ANK3: variants seen among roughly 807,000 people sequenced by gnomAD.
The protein encoded by ANK3 is ankyrin-3.
ANK3 carries 57 observed loss-of-function variants against 370.9 expected under a neutral mutation model. That is an observed-to-expected ratio of 0.15 (90% CI 0.12 to 0.19). The LOEUF is 0.19. ANK3 is among the 10% of genes least tolerant of loss of function. ANK3 has a pLI of 1.00. For synonymous variants in ANK3, 1,929 were observed against 1,946.3 expected, an observed-to-expected ratio of 0.99 and a Z score of 0.23; for missense variants, 4,439 against 5,302.1, an observed-to-expected ratio of 0.84 and a Z score of 5.06.
At chr10:60,529,395 G>A (rs565048538) in intron 2 of ANK3, among the ~76,000 whole-genome samples, 2 of 152,296 alleles carry the variant, frequency 1.3e-5, no homozygotes, top group African/African-American at 4.8e-5. Flanking sequence ...CATGGTGGAA[G>A]AGGCTGTCAG....
chr10:60,541,886 A>G, intron 2 of ANK3, among the ~76,000 whole-genome samples: 1 of 151,872 alleles, frequency 6.6e-6, no homozygotes, highest in East Asian at 1.9e-4. Context: ...TTATTGCTTT[A>G]TTTGTGATGA....
Position 60,059,382 on chromosome 10 carries a change from G to C in ANK3, c.12644C>G (p.Ala4215Gly). ...SSGNLESCAQ[A>G]RRVTGGLLDR... is the part of the protein sequence containing the mutation. ...TAGTAACCCACCAGTTACTCTTCGA[G>C]CTTGAGCGCAGGACTCTAGGTTTCC... Residue 4215 changes from alanine to glycine, a missense_variant, in exon 41 of 44, where the codon GCT becomes GGT. Physicochemically the swap from Ala to Gly is moderately conservative, Grantham distance 60. Transcript: ENST00000280772. The C allele has an allele frequency of 6.2e-7, 1 of 1,614,034 alleles. No individual in the cohort carries two copies. The highest frequency in any genetic ancestry group is 1.3e-5 in the African/African-American group (1 of 75,002).
intron 1 of ANK3, among the ~76,000 whole-genome samples, chr10:60,385,189 A>G (rs2062082773): frequency 6.6e-6 from 1 of 152,120 alleles, no homozygotes; most frequent in African/African-American, 2.4e-5. Context: ...TTTTCGTGCC[A>G]CACACTCAGG....
At chr10:60,414,007 A>G (rs1454802538) in intron 2 of ANK3, among the ~76,000 whole-genome samples, 3 of 152,300 alleles carry the variant, frequency 2.0e-5, no homozygotes, top group Middle Eastern at 3.4e-3. Flanking sequence ...AAAAACAAAC[A>G]GAAAAAACTA....
chr10:60,367,596 C>CT (rs963659553), intron 1 of ANK3, among the ~76,000 whole-genome samples: 1 of 152,190 alleles, frequency 6.6e-6, no homozygotes, highest in African/African-American at 2.4e-5. Flanking sequence ...TGCCTTGCCT[C>CT]TGGGGTGATC....
In ANK3 at chr10:60,072,702, G is replaced by A. The variant is rs1251318793; in HGVS notation, c.8179C>T (p.His2727Tyr). Residue 2727 changes from histidine (H) to tyrosine (Y), a missense_variant, in exon 37 of 44, where the codon CAC becomes TAC. Physicochemically the swap from His to Tyr is moderately conservative, Grantham distance 83. This residue lies in a region of ANK3 where 1,601 missense variants were observed against 1,731.7 expected (regional missense o/e 0.92). Transcript: ENST00000280772. ...TGAGACATGTCCTTACTTTTTGCGT[G>A]TGTGCCTTGTTCAAATTTTAATCTA... Reference protein sequence around the residue: ...SIRLKFEQGTHAKSKDMSQED... With the variant: ...SIRLKFEQGTYAKSKDMSQED... The A allele has an allele frequency of 1.2e-6, 2 of 1,613,664 alleles. No homozygotes were observed. Among genetic ancestry groups the A allele is most frequent in the Non-Finnish European group, 8.5e-7 (1 of 1,179,904 alleles).
intron 25 of ANK3, among the ~76,000 whole-genome samples, chr10:60,128,008 C>T (rs2093857846): frequency 6.6e-6 from 1 of 151,936 alleles, no homozygotes; most frequent in Non-Finnish European, 1.5e-5. Context: ...GTTCTTCATA[C>T]TTTTTATAAT....
At chr10:60,131,387 A>G (rs1265909650) in intron 25 of ANK3, among the ~76,000 whole-genome samples, 1 of 152,206 alleles carries the variant, frequency 6.6e-6, no homozygotes, top group Non-Finnish European at 1.5e-5. Context: ...TGCTCATTAA[A>G]GACAGCAACT....
At chr10:60,347,487 T>C (rs1265140602) in intron 1 of ANK3, among the ~76,000 whole-genome samples, 2 of 152,044 alleles carry the variant, frequency 1.3e-5, no homozygotes, top group African/African-American at 2.4e-5. Flanking sequence ...GTATTTGCTG[T>C]GTGATGTTGG....
intron 2 of ANK3, among the ~76,000 whole-genome samples, chr10:60,471,343 A>T (rs897000487): frequency 2.6e-5 from 4 of 152,190 alleles, no homozygotes; most frequent in Non-Finnish European, 5.9e-5. Flanking sequence ...CCTTTTTGTT[A>T]CTGTTATTAC....
At chr10:60,322,685 G>A (rs2048926954) in intron 1 of ANK3, among the ~76,000 whole-genome samples, 1 of 152,012 alleles carries the variant, frequency 6.6e-6, no homozygotes, top group Non-Finnish European at 1.5e-5. Flanking sequence ...TAGGCATTGA[G>A]GGTACAGTGA....
chr10:60,173,169 C>A lies in ANK3; in HGVS notation c.2202G>T (p.Leu734=). 2 of 1,613,324 alleles carry A rather than the reference C, an allele frequency of 1.2e-6. No homozygotes were observed. Among genetic ancestry groups the A allele is most frequent in the Non-Finnish European group, 1.7e-6 (2 of 1,179,366 alleles). The change falls in exon 19 of 44, where the codon CTG becomes CTT. Residue 734 remains leucine (L), a synonymous_variant. Transcript: ENST00000280772. ...TATTTCCATAGTGGCAGCCCACATG[C>A]AGTGGTGTGTATCCCATCTGTAATT... is the stretch of plus-strand genomic sequence containing the variant. The part of the protein sequence containing the change: ...DAQTKMGYTP[L]HVGCHYGNIK...
intron 2 of ANK3, among the ~76,000 whole-genome samples, chr10:60,422,632 T>A (rs980031229): frequency 1.3e-5 from 2 of 152,246 alleles, no homozygotes; most frequent in South Asian, 4.1e-4. Flanking sequence ...ATGCCTTTCA[T>A]TAATTTGGTT....
chr10:60,106,460 A>C (rs1442824887), intron 27 of ANK3, among the ~76,000 whole-genome samples: 1 of 152,170 alleles, frequency 6.6e-6, no homozygotes, highest in Non-Finnish European at 1.5e-5. Context: ...TCTTTAAAAA[A>C]AAATTCTATA....
intron 7 of ANK3, among the ~76,000 whole-genome samples, chr10:60,259,597 AAATGAACACTTTAG>A (rs2097777040): frequency 6.6e-6 from 1 of 152,232 alleles, no homozygotes; most frequent in Admixed American, 6.5e-5. Context: ...GTTTTAATGC[AAATGAACACTTTAG>A]AATCACTTGG....
chr10:60,700,681 A>T lies in ANK3; in HGVS notation c.57+32582T>A, dbSNP rs1214493748. On this transcript the variant is annotated intron_variant, in intron 1 of 43. Coordinates refer to the ANK3 transcript ENST00000373827. Reference sequence around the variant, plus strand: ...TACTTCTAATTGCAAATGCAAATTTAATATTTGATAAAGATAGGCTTTCAC... The same window carrying T: ...TACTTCTAATTGCAAATGCAAATTTTATATTTGATAAAGATAGGCTTTCAC... 2.6e-5 allele frequency among the ~76,000 whole-genome samples: 4 copies of T among 152,350 alleles called. No individual in the cohort carries two copies. In the South Asian group the frequency reaches 8.3e-4, roughly 32 times the overall value.
At chr10:60,221,347 T>A (rs1323593805) in intron 8 of ANK3, among the ~76,000 whole-genome samples, 2 of 152,218 alleles carry the variant, frequency 1.3e-5, no homozygotes, top group Non-Finnish European at 2.9e-5. Flanking sequence ...CCCAAAGTGC[T>A]GGGATTACAG....
intron 2 of ANK3, among the ~76,000 whole-genome samples, chr10:60,400,367 C>A (rs2063329577): frequency 6.6e-6 from 1 of 152,138 alleles, no homozygotes; most frequent in South Asian, 2.1e-4. Context: ...CAACCAAAAT[C>A]TTTTACAAGT....
At chr10:60,253,126 T>A (rs2097691327) in intron 7 of ANK3, among the ~76,000 whole-genome samples, 1 of 152,188 alleles carries the variant, frequency 6.6e-6, no homozygotes, top group African/African-American at 2.4e-5. Context: ...ACAGTGCGGT[T>A]TACTTTGCCA....
Sources: allele counts gnomAD v4.1 joint callset (sites outside exome capture counted in the v4.1 genomes callset), GRCh38; gene constraint gnomAD v4.1.1; regional missense constraint gnomAD v4.1.1; transcripts MANE v1.5; gene names NCBI Gene and HGNC (gene_info 2026-07-23, HGNC 2026-07-21).